The following YME1L1 variants were observed in gnomAD, a reference collection of about 807,000 sequenced individuals.
The protein encoded by YME1L1 is YME1 like 1 ATPase, also known as ATP-dependent zinc metalloprotease YME1L1.
A neutral mutation model predicts 90.4 loss-of-function variants in YME1L1; 39 were observed. The ratio of observed to expected loss-of-function variants is 0.43; its 90% CI spans 0.33 to 0.56. YME1L1 has a LOEUF of 0.56. Among genes scored for constraint, YME1L1 ranks in the 20% least tolerant of loss-of-function variants. The pLI is 0.03. For synonymous variants in YME1L1, 284 were observed against 287.3 expected (o/e 0.99, Z 0.12); for missense variants, 617 against 868.4 (o/e 0.71, Z 3.64).
At chr10:27,154,097 G>C (rs1301811710) in intron 1 of YME1L1, 81 bp downstream of exon 1, 2 of 1,520,888 alleles carry the variant, frequency 1.3e-6, no homozygotes, top group African/African-American at 2.8e-5. Flanking sequence ...TCCCTTCTGA[G>C]AAATCGCTTC....
At chr10:27,130,101 A>G (rs1023200745) in intron 8 of YME1L1, among the ~76,000 whole-genome samples, 2 of 152,142 alleles carry the variant, frequency 1.3e-5, no homozygotes, top group Non-Finnish European at 2.9e-5. Flanking sequence ...TACTCCACTA[A>G]CATTGCTCTT....
chr10:27,111,417 C>A lies in YME1L1; in HGVS notation c.*560G>T, dbSNP rs897909527. ...CCACGTTGGCCAGGCTGGTCTCGAACTCCTGGCCTCAAGCAATCCACCCGC... is the reference window on the plus strand; with the variant it reads ...CCACGTTGGCCAGGCTGGTCTCGAAATCCTGGCCTCAAGCAATCCACCCGC... On this transcript the variant is annotated 3_prime_UTR_variant, in exon 19 of 19. Transcript: ENST00000376016. 2 of 162,392 alleles carry A rather than the reference C, an allele frequency of 1.2e-5. No homozygotes were observed. The highest frequency in any genetic ancestry group is 4.8e-5 in the African/African-American group (2 of 41,492). 10.1% of individuals were successfully genotyped at this position (162,392 alleles called of 1,614,324 possible).
intron 7 of YME1L1, among the ~76,000 whole-genome samples, chr10:27,132,675 T>C (rs1200407507): frequency 4.6e-5 from 7 of 151,564 alleles, no homozygotes; most frequent in African/African-American, 1.7e-4. Context: ...AAAAATTAGC[T>C]GGGCATGGTG....
intron 2 of YME1L1, chr10:27,147,820 C>T (rs2057162493): frequency 1.0e-6 from 1 of 994,462 alleles, no homozygotes; most frequent in South Asian, 1.7e-5. Context: ...GCCAGCAGGA[C>T]CTAGCAGCTT....
At chr10:27,137,295 A>G (rs2057039167) in intron 4 of YME1L1, among the ~76,000 whole-genome samples, 1 of 152,228 alleles carries the variant, frequency 6.6e-6, no homozygotes, top group South Asian at 2.1e-4. Flanking sequence ...TTTTTCGTGC[A>G]TATTTTTCAG....
chr10:27,118,826 G>A (rs2056838490), intron 14 of YME1L1, among the ~76,000 whole-genome samples: 4 of 152,130 alleles, frequency 2.6e-5, no homozygotes, highest in Admixed American at 2.0e-4. Context: ...TCGCAGCAAT[G>A]TCTGACAAGA....
intron 1 of YME1L1, 145 bp downstream of exon 1, chr10:27,154,033 G>T (rs2057275773): frequency 4.5e-6 from 5 of 1,100,412 alleles, no homozygotes; most frequent in Admixed American, 4.4e-5. Flanking sequence ...GTCGTCCCCT[G>T]ATCCACTCCT....
At chr10:27,152,578 G>T (rs555631113) in intron 1 of YME1L1, among the ~76,000 whole-genome samples, 3 of 152,260 alleles carry the variant, frequency 2.0e-5, no homozygotes, top group South Asian at 2.1e-4. Context: ...GCAAAGAGTT[G>T]AGTTTCAAAA....
chr10:27,134,686 C>T (rs1394205500), intron 6 of YME1L1, 145 bp downstream of exon 6: 14 of 795,850 alleles, frequency 1.8e-5, no homozygotes, highest in Middle Eastern at 3.5e-4. Context: ...TCAGCAGTAT[C>T]GCCATTTCTA....
At position 27,141,601 on chromosome 10, in the gene YME1L1, GACACACACACACACACACACACAC is replaced by G. The variant is rs60043957; in HGVS notation, c.430+762_430+785del. ...GAGTCTCCACAGACAGATGTCCCTC[GACACACACACACACACACACACAC>G]ACACACACACACACACACACACAGA... On this transcript the variant is annotated intron_variant, in intron 4 of 18. Coordinates refer to ENST00000376016, the MANE Select transcript of YME1L1 (RefSeq NM_014263.4). Among the ~76,000 whole-genome samples, 259 of 141,578 alleles carry G rather than the reference GACACACACACACACACACACACAC, an allele frequency of 1.8e-3. 1 individual carries two copies. Among genetic ancestry groups the G allele is most frequent in the African/African-American group, 6.1e-3 (237 of 38,664 alleles). The allele number at this position is 141,578 out of a possible 152,430, so 92.9% of individuals were successfully genotyped here.
In YME1L1 at chr10:27,111,897, A is replaced by C. The variant is rs773704254; in HGVS notation, c.*80T>G. 6.6e-7 allele frequency: 1 copy of C among 1,517,670 alleles called. No homozygotes were observed. Among genetic ancestry groups the C allele is most frequent in the Non-Finnish European group, 9.1e-7 (1 of 1,095,964 alleles). 94.0% of individuals were successfully genotyped at this position (1,517,670 alleles called of 1,614,324 possible). A position where few individuals can be genotyped will look rare whatever the true frequency, so the allele number is the denominator to read the frequency against. The stretch of plus-strand genomic sequence containing the variant: ...TTACACCACATCAAGAATGAGGGGA[A>C]AGCGTTGTAAAAGTAGACTACTGCA... On this transcript the variant is annotated 3_prime_UTR_variant, in exon 19 of 19. Transcript: ENST00000376016.
At chr10:27,114,742 T>C (rs774782900) in intron 17 of YME1L1, 135 bp from the exon 18 acceptor site, 1 of 603,454 alleles carries the variant, frequency 1.7e-6, no homozygotes, top group Non-Finnish European at 2.7e-6. Flanking sequence ...AAAACTGCAT[T>C]TGAGGCCGGG....
intron 18 of YME1L1, among the ~76,000 whole-genome samples, chr10:27,114,142 T>G (rs766187340): frequency 1.3e-5 from 2 of 152,120 alleles, no homozygotes; most frequent in Non-Finnish European, 2.9e-5. Flanking sequence ...ATGGATGAAT[T>G]GTATAGTGGT....
chr10:27,118,154 A>C (rs1188157452), intron 14 of YME1L1, among the ~76,000 whole-genome samples: 1 of 152,202 alleles, frequency 6.6e-6, no homozygotes, highest in Non-Finnish European at 1.5e-5. Context: ...CAAAAAACTC[A>C]TTCTCCTTAA....
intron 11 of YME1L1, among the ~76,000 whole-genome samples, chr10:27,122,143 T>C (rs2056874001): frequency 6.6e-6 from 1 of 152,178 alleles, no homozygotes. Context: ...AGTCCTGGCA[T>C]TACAGGCGTG....
rs10671752 is a variant in YME1L1, at chr10:27,143,699, T to TAA, written c.332-1216_332-1215dup. On this transcript the variant is annotated intron_variant, in intron 3 of 18. Transcript: ENST00000376016. Reference sequence around the variant, plus strand: ...GGCAACACAGCAAGACTCGTCTCTTTAAAAAAAAAAAAAAAAAGATGTACT... The same window carrying TAA: ...GGCAACACAGCAAGACTCGTCTCTTTAAAAAAAAAAAAAAAAAAAGATGTACT... Among the ~76,000 whole-genome samples the TAA allele has an allele frequency of 3.8e-3, 508 of 134,302 alleles. 6 individuals carry two copies. Among genetic ancestry groups the TAA allele is most frequent in the African/African-American group, 8.9e-3 (318 of 35,800 alleles). 88.1% of individuals were successfully genotyped at this position (134,302 alleles called of 152,430 possible). A position where few individuals can be genotyped will look rare whatever the true frequency, so the allele number is the denominator to read the frequency against.
In YME1L1 at chr10:27,147,617, C is replaced by T. The variant is rs150651145; in HGVS notation, c.168+1289G>A. ...GATCTGTACCCTTCGAATATTTTTCCTTTGCCAATTGAAACAATGTTAAGC... is the reference window on the plus strand; with the variant it reads ...GATCTGTACCCTTCGAATATTTTTCTTTTGCCAATTGAAACAATGTTAAGC... On this transcript the variant is annotated intron_variant, in intron 2 of 18. Coordinates refer to ENST00000376016, the MANE Select transcript of YME1L1 (RefSeq NM_014263.4). 5.3e-5 allele frequency: 83 copies of T among 1,557,798 alleles called. No individual in the cohort carries two copies. Among genetic ancestry groups the T allele is most frequent in the African/African-American group, 1.8e-4 (13 of 73,332 alleles).
intron 3 of YME1L1, 126 bp downstream of exon 3, chr10:27,145,302 A>AAC: frequency 4.4e-6 from 3 of 674,282 alleles, no homozygotes; most frequent in Non-Finnish European, 6.2e-6. Flanking sequence ...AAAAAAAAAC[A>AAC]AAAAAAAAAC....
chr10:27,134,802 C>G, intron 6 of YME1L1, 29 bp downstream of exon 6: 1 of 1,608,484 alleles, frequency 6.2e-7, no homozygotes. Flanking sequence ...TTACTCTTCT[C>G]AAACACGGAT....
Sources: gnomAD v4.1 joint callset for allele counts (sites outside exome capture counted in the v4.1 genomes callset) on GRCh38, gnomAD v4.1.1 for gene constraint, MANE v1.5 for transcripts, NCBI Gene and HGNC (gene_info 2026-07-23, HGNC 2026-07-21) for gene names.